STRN: variants seen among roughly 807,000 people sequenced by gnomAD.
STRN encodes the protein striatin, also known as protein phosphatase 2 regulatory subunit B'''alpha.
In STRN, 53 loss-of-function variants were observed where a neutral mutation model predicts 96.3. The observed-to-expected ratio is 0.55, with a 90% CI of 0.44 to 0.69. STRN has a LOEUF of 0.69. STRN is among the 30% of genes least tolerant of loss of function. The probability of loss-of-function intolerance (pLI) is 0.00; values close to 1 mark genes in which losing one functional copy is unlikely to be tolerated. For synonymous variants in STRN, 428 were observed against 355.9 expected (o/e 1.20, Z -2.28); for missense variants, 987 against 963.9 (o/e 1.02, Z -0.32).
At chr2:36,905,720 T>C (rs771634136) in intron 3 of STRN, 102 bp from the exon 4 acceptor site, 230 of 987,562 alleles carry the variant, frequency 2.3e-4, no homozygotes, top group Non-Finnish European at 3.8e-5. Context: ...ATTAAGAATA[T>C]GTAAAACTGC....
intron 3 of STRN, among the ~76,000 whole-genome samples, chr2:36,912,566 C>T (rs1035703492): frequency 2.0e-5 from 3 of 152,148 alleles, no homozygotes; most frequent in Admixed American, 6.5e-5. Flanking sequence ...CTCTTTTTCA[C>T]GTTTCCGTTC....
intron 7 of STRN, among the ~76,000 whole-genome samples, chr2:36,889,201 T>C (rs997940089): frequency 1.3e-5 from 2 of 152,200 alleles, no homozygotes; most frequent in East Asian, 1.9e-4. Flanking sequence ...GTTGAATGAA[T>C]GATCCGAGTA....
chr2:36,901,315 G>A (rs1669676965), intron 5 of STRN, among the ~76,000 whole-genome samples: 1 of 152,134 alleles, frequency 6.6e-6, no homozygotes, highest in South Asian at 2.1e-4. Flanking sequence ...TACTTCAGGA[G>A]GCCAAGGCGG....
intron 6 of STRN, among the ~76,000 whole-genome samples, chr2:36,894,309 G>A (rs141065332): frequency 2.8e-4 from 42 of 152,144 alleles, no homozygotes; most frequent in Admixed American, 2.6e-3. Flanking sequence ...ACAGATATAC[G>A]ATTTACAAGG....
chr2:36,863,593 G>A (rs916326419), intron 12 of STRN, among the ~76,000 whole-genome samples: 1 of 152,202 alleles, frequency 6.6e-6, no homozygotes, highest in African/African-American at 2.4e-5. Flanking sequence ...ATAGTTTGAA[G>A]TCAGGTAATG....
chr2:36,871,363 T>C (rs1275341578), intron 10 of STRN, among the ~76,000 whole-genome samples: 1 of 152,220 alleles, frequency 6.6e-6, no homozygotes, highest in Non-Finnish European at 1.5e-5. Flanking sequence ...ACTGTATTTT[T>C]ACTGGACCTT....
rs1272249623 is a variant in STRN, at chr2:36,843,298, T to C, written c.*6158A>G. Among the ~76,000 whole-genome samples, 1 of 152,184 alleles carries C rather than the reference T, an allele frequency of 6.6e-6. No individual in the cohort carries two copies. ...TTCATATTGTATTGTGGATCCTGATTGGAACAAAAAGACTGTGAGTTCTGG... is the reference window on the plus strand; with the variant it reads ...TTCATATTGTATTGTGGATCCTGATCGGAACAAAAAGACTGTGAGTTCTGG... On this transcript the variant is annotated 3_prime_UTR_variant, in exon 18 of 18. Transcript: ENST00000263918.
intron 3 of STRN, among the ~76,000 whole-genome samples, chr2:36,915,235 AT>A (rs1470410492): frequency 9.7e-5 from 3 of 30,982 alleles, no homozygotes; most frequent in African/African-American, 1.4e-3. Flanking sequence ...ATACATAAAT[AT>A]ATATATATAT....
At position 36,912,234 on chromosome 2, in the gene STRN, A is replaced by T. The variant is rs138048481; in HGVS notation, c.412+3844T>A. 7.2e-3 allele frequency among the ~76,000 whole-genome samples: 1,102 copies of T among 152,148 alleles called. 8 individuals are homozygous for T. Among genetic ancestry groups the T allele is most frequent in the Non-Finnish European group, 0.012 (784 of 67,982 alleles). On this transcript the variant is annotated intron_variant, in intron 3 of 17. Coordinates refer to ENST00000263918, the MANE Select transcript of STRN (RefSeq NM_003162.4). ...GTTACTCCTCTAAGACACACATCAC[A>T]CGTGTGCGTGAGAGTGTGCGCGCGC... is the stretch of plus-strand genomic sequence containing the variant.
rs1376477143 is a variant in STRN at position 36,837,844 on chromosome 2, C to CT, written c.*11611dup. Among the ~76,000 whole-genome samples, 1 of 151,984 alleles carries CT rather than the reference C, an allele frequency of 6.6e-6. No homozygotes were observed. Among genetic ancestry groups the CT allele is most frequent in the East Asian group, 1.9e-4 (1 of 5,196 alleles). ...ACAACATACAAAATGCTTTCACAAA[C>CT]TAGTTAACTAAAAAGACAAACGGTA... On this transcript the variant is annotated 3_prime_UTR_variant, in exon 18 of 18. Transcript: ENST00000263918.
intron 2 of STRN, 141 bp downstream of exon 2, chr2:36,924,964 G>A: frequency 3.1e-6 from 2 of 639,470 alleles, no homozygotes; most frequent in Non-Finnish European, 5.5e-6. Flanking sequence ...GCTGAGGCAG[G>A]AGAATTGCTT....
At chr2:36,882,690 G>A (rs1241554383) in intron 9 of STRN, among the ~76,000 whole-genome samples, 2 of 152,074 alleles carry the variant, frequency 1.3e-5, no homozygotes, top group East Asian at 3.9e-4. Context: ...TATCACCTGA[G>A]CCTGAGAGGT....
At chr2:36,939,169 G>A (rs528202907) in intron 1 of STRN, among the ~76,000 whole-genome samples, 121 of 152,180 alleles carry the variant, frequency 8.0e-4, no homozygotes, top group African/African-American at 2.8e-3. Flanking sequence ...CTGACCTCGT[G>A]ATCCGCCCGC....
chr2:36,867,737 T>A, intron 12 of STRN, 77 bp downstream of exon 12: 5 of 960,876 alleles, frequency 5.2e-6, no homozygotes, highest in Non-Finnish European at 7.4e-6. Context: ...ACCTAGTAAG[T>A]GAAAGAAAAT....
rs1486344305 is a variant in STRN at position 36,918,628 on chromosome 2, AACAG to A, written c.339-2481_339-2478del. On this transcript the variant is annotated intron_variant, in intron 2 of 17. Transcript: ENST00000263918. ...ACATTATGAACATTTTATTTTAAAA[AACAG>A]ACAAAGGCAAAAATATGTAAAGAAC... Among the ~76,000 whole-genome samples the A allele has an allele frequency of 2.0e-5, 3 of 152,150 alleles. No homozygotes were observed. The East Asian group carries it at 5.8e-4, about 29-fold the overall frequency.
chr2:36,897,297 A>G (rs2148192946), intron 6 of STRN, among the ~76,000 whole-genome samples: 1 of 152,308 alleles, frequency 6.6e-6, no homozygotes, highest in East Asian at 1.9e-4. Context: ...ACACAGAATT[A>G]GGTTGTTAAA....
At chr2:36,875,860 T>C (rs1668893278) in intron 10 of STRN, among the ~76,000 whole-genome samples, 1 of 152,162 alleles carries the variant, frequency 6.6e-6, no homozygotes, top group Non-Finnish European at 1.5e-5. Flanking sequence ...GGTTTCACTG[T>C]GTTAGCCAGG....
At chr2:36,957,736 C>CTT (rs1470880818) in intron 1 of STRN, among the ~76,000 whole-genome samples, 16 of 96,250 alleles carry the variant, frequency 1.7e-4, no homozygotes, top group South Asian at 3.7e-4. Flanking sequence ...CATAGTTCTT[C>CTT]TTTTTGTCTT....
At chr2:36,890,487 T>TC (rs1669362693) in intron 7 of STRN, among the ~76,000 whole-genome samples, 1 of 144,032 alleles carries the variant, frequency 6.9e-6, no homozygotes, top group East Asian at 2.0e-4. Flanking sequence ...CTTTTTTTTT[T>TC]TTTTTTTTTT....
Sources: gnomAD v4.1 joint callset for allele counts (sites outside exome capture counted in the v4.1 genomes callset) on GRCh38, gnomAD v4.1.1 for gene constraint, MANE v1.5 for transcripts, NCBI Gene and HGNC (gene_info 2026-07-23, HGNC 2026-07-21) for gene names.